MCTP1: variants seen among roughly 807,000 people sequenced by gnomAD.
MCTP1 encodes multiple C2 and transmembrane domain-containing protein 1.
A neutral mutation model predicts 120.6 loss-of-function variants in MCTP1; 69 were observed. The ratio of observed to expected loss-of-function variants is 0.57; its 90% CI spans 0.47 to 0.70. MCTP1 has a LOEUF of 0.70. MCTP1 is among the 30% of genes least tolerant of loss of function. MCTP1 has a pLI of 0.00. For missense variants in MCTP1, 1,203 were observed against 1,248.8 expected (o/e 0.96, Z 0.55); for synonymous variants, 529 against 493.1 (o/e 1.07, Z -0.96).
chr5:95,205,603 T>C (rs922675168), intron 1 of MCTP1, among the ~76,000 whole-genome samples: 1 of 152,170 alleles, frequency 6.6e-6, no homozygotes, highest in Non-Finnish European at 1.5e-5. Flanking sequence ...AAGGGACTTG[T>C]ATCTAGAATA....
chr5:94,833,839 G>C (rs1198801679), intron 17 of MCTP1, among the ~76,000 whole-genome samples: 2 of 152,068 alleles, frequency 1.3e-5, no homozygotes, highest in Non-Finnish European at 2.9e-5. Context: ...TGTAGTTTAC[G>C]AATGCATAAT....
At chr5:94,861,355 C>A (rs1022593598) in intron 17 of MCTP1, among the ~76,000 whole-genome samples, 2 of 151,804 alleles carry the variant, frequency 1.3e-5, no homozygotes, top group African/African-American at 4.8e-5. Flanking sequence ...ATAATTGTAA[C>A]GAATATCTGC....
At position 94,888,886 on chromosome 5, in the gene MCTP1, G is replaced by T. The variant is rs17084201; in HGVS notation, c.1926C>A (p.Asp642Glu). The change falls in exon 12 of 23, where the codon GAC becomes GAA. Residue 642 changes from aspartate to glutamate, a missense_variant. Physicochemically the swap from Asp to Glu is conservative, Grantham distance 45. Around this residue, in one of 2 missense-constraint regions of MCTP1, gnomAD observed 740 missense variants for 871.1 expected, o/e 0.85. Coordinates refer to ENST00000515393, the MANE Select transcript of MCTP1 (RefSeq NM_024717.7). ...VIRAEGLMAADVTGKSDPFCV... is the reference protein window; with the variant it reads ...VIRAEGLMAAEVTGKSDPFCV... Reference sequence around the variant, plus strand: ...AATTGCATCATCTCTTACCAGTGACGTCGGCAGCCATTAACCCTTCCGCTC... The same window carrying T: ...AATTGCATCATCTCTTACCAGTGACTTCGGCAGCCATTAACCCTTCCGCTC... 6.2e-7 allele frequency: 1 copy of T among 1,608,134 alleles called. No homozygotes were observed.
Position 94,936,753 on chromosome 5 carries a change from A to G in MCTP1, c.1173+3331T>C, listed in dbSNP as rs144340671. On this transcript the variant is annotated intron_variant, in intron 5 of 22. Transcript: ENST00000515393. The stretch of plus-strand genomic sequence containing the variant: ...CTGCAATGTAGGACAAACACAGAAG[A>G]AAAGCCAATTTATATGTGTTTTTGG... Among the ~76,000 whole-genome samples, 1,101 of 152,224 alleles carry G rather than the reference A, an allele frequency of 7.2e-3. 15 individuals carry two copies. The highest frequency in any genetic ancestry group is 0.026 in the African/African-American group (1,073 of 41,552).
intron 19 of MCTP1, among the ~76,000 whole-genome samples, chr5:94,740,819 C>T (rs1452272329): frequency 6.6e-6 from 1 of 152,114 alleles, no homozygotes; most frequent in African/African-American, 2.4e-5. Flanking sequence ...TTTCCAAATA[C>T]TTGAGAATCC....
intron 17 of MCTP1, among the ~76,000 whole-genome samples, chr5:94,854,445 C>A (rs533677687): frequency 1.3e-5 from 2 of 151,828 alleles, no homozygotes; most frequent in South Asian, 4.2e-4. Context: ...AGACCTATTA[C>A]AACCAAGTTT....
At chr5:94,948,918 T>A (rs1819790844) in intron 3 of MCTP1, among the ~76,000 whole-genome samples, 1 of 152,306 alleles carries the variant, frequency 6.6e-6, no homozygotes, top group East Asian at 1.9e-4. Flanking sequence ...GACAGTAATA[T>A]GGTCCTTAAC....
intron 19 of MCTP1, 108 bp downstream of exon 19, chr5:94,779,002 A>G (rs1776022504): frequency 2.1e-6 from 2 of 961,942 alleles, no homozygotes; most frequent in South Asian, 1.4e-5. Context: ...GCACTGTCCA[A>G]TTTTCTGGAC....
intron 1 of MCTP1, among the ~76,000 whole-genome samples, chr5:95,222,871 T>C (rs6859003): frequency 0.02 from 3,072 of 152,342 alleles, 101 homozygotes; most frequent in African/African-American, 0.069. Context: ...AGAAATTTAT[T>C]GTAAAGAATT....
At chr5:95,178,785 A>C (rs1748296608) in intron 1 of MCTP1, among the ~76,000 whole-genome samples, 2 of 152,148 alleles carry the variant, frequency 1.3e-5, no homozygotes, top group South Asian at 4.1e-4. Flanking sequence ...CATCCCCAAA[A>C]GACCACACCA....
rs185741033 is a variant in MCTP1 at position 95,105,663 on chromosome 5, T to C, written c.721-88179A>G. ...GAACATGCAGAGAAGGTTGGAGCCC[T>C]AGGAATACTGCTGAGGGGAAGTCCA... On this transcript the variant is annotated intron_variant, in intron 1 of 22. Coordinates refer to ENST00000515393, the MANE Select transcript of MCTP1 (RefSeq NM_024717.7). Among the ~76,000 whole-genome samples, 14 of 152,190 alleles carry C rather than the reference T, an allele frequency of 9.2e-5. No homozygotes were observed. In the East Asian group the frequency reaches 2.7e-3, roughly 29 times the overall value.
chr5:95,084,539 T>C (rs1289477489), intron 1 of MCTP1, among the ~76,000 whole-genome samples: 1 of 151,190 alleles, frequency 6.6e-6, no homozygotes, highest in African/African-American at 2.4e-5. Flanking sequence ...TTTGGGTGTT[T>C]TTTTTTTTTT....
At chr5:95,167,568 C>T (rs546861242) in intron 1 of MCTP1, among the ~76,000 whole-genome samples, 1 of 152,306 alleles carries the variant, frequency 6.6e-6, no homozygotes, top group South Asian at 2.1e-4. Flanking sequence ...TCTCCAGCAC[C>T]TGTTGTTTCC....
chr5:94,882,682 T>C (rs960446985), intron 12 of MCTP1, among the ~76,000 whole-genome samples: 1 of 152,176 alleles, frequency 6.6e-6, no homozygotes, highest in African/African-American at 2.4e-5. Flanking sequence ...TTGTAATCTT[T>C]GTTCTACAGA....
At chr5:94,893,831 A>G (rs892902100) in intron 11 of MCTP1, among the ~76,000 whole-genome samples, 1 of 152,192 alleles carries the variant, frequency 6.6e-6, no homozygotes, top group Non-Finnish European at 1.5e-5. Flanking sequence ...CCTTCTAAAC[A>G]CCTGGCGGCA....
At chr5:95,036,951 T>C (rs1052661652) in intron 1 of MCTP1, among the ~76,000 whole-genome samples, 2 of 152,098 alleles carry the variant, frequency 1.3e-5, no homozygotes, top group African/African-American at 4.8e-5. Context: ...CCATATTGGA[T>C]ACCCAGCACA....
At chr5:94,817,786 T>C (rs984340311) in intron 17 of MCTP1, among the ~76,000 whole-genome samples, 1 of 152,188 alleles carries the variant, frequency 6.6e-6, no homozygotes, top group Non-Finnish European at 1.5e-5. Context: ...ACATATATGA[T>C]TTTGGCCCTT....
Position 94,953,838 on chromosome 5 carries a change from TATATAC to T in MCTP1, c.839-483_839-478del, listed in dbSNP as rs202166515. Among the ~76,000 whole-genome samples, 208 of 44,572 alleles carry T rather than the reference TATATAC, an allele frequency of 4.7e-3. 29 individuals carry two copies. Among genetic ancestry groups the T allele is most frequent in the African/African-American group, 0.029 (171 of 5,934 alleles). The allele number at this position is 44,572 out of a possible 152,430, so 29.2% of individuals were successfully genotyped here. ...ATACAAATATATATATACATATATA[TATATAC>T]ACAACTATATATATGCATATATATA... On this transcript the variant is annotated intron_variant, in intron 2 of 22. Transcript: ENST00000515393.
intron 19 of MCTP1, among the ~76,000 whole-genome samples, chr5:94,756,209 G>A (rs1417416407): frequency 6.6e-6 from 1 of 152,196 alleles, no homozygotes; most frequent in Admixed American, 6.5e-5. Context: ...TGCAGATGTG[G>A]TAACTGAGGG....
Sources: gnomAD v4.1 joint callset for allele counts (sites outside exome capture counted in the v4.1 genomes callset) on GRCh38, gnomAD v4.1.1 for gene constraint, gnomAD v4.1.1 regional missense constraint, MANE v1.5 for transcripts, NCBI Gene and HGNC (gene_info 2026-07-23, HGNC 2026-07-21) for gene names.